TUBGCP3: variants seen among roughly 807,000 people sequenced by gnomAD.
TUBGCP3 encodes gamma-tubulin complex component 3.
A neutral mutation model predicts 123.1 loss-of-function variants in TUBGCP3; 50 were observed. The observed-to-expected ratio is 0.41, with a 90% CI of 0.32 to 0.51. TUBGCP3 has a LOEUF of 0.51. TUBGCP3 is among the 20% of genes least tolerant of loss of function. TUBGCP3 has a pLI of 0.36. For synonymous variants in TUBGCP3, 405 were observed against 413.9 expected (o/e 0.98, Z 0.26); for missense variants, 882 against 1,127.0 (o/e 0.78, Z 3.11).
At chr13:112,557,145 G>A (rs910798253) in intron 5 of TUBGCP3, among the ~76,000 whole-genome samples, 2 of 152,158 alleles carry the variant, frequency 1.3e-5, no homozygotes. Flanking sequence ...TTAAGAGGAT[G>A]ATTCTAAAAG....
At chr13:112,547,793 C>A in intron 9 of TUBGCP3, 41 bp from the exon 10 acceptor site, 1 of 1,396,492 alleles carries the variant, frequency 7.2e-7, no homozygotes, top group South Asian at 1.9e-5. Context: ...GTACAAATAA[C>A]CACATAGATC....
At chr13:112,495,439 T>A (rs1486774812) in intron 20 of TUBGCP3, among the ~76,000 whole-genome samples, 2 of 152,236 alleles carry the variant, frequency 1.3e-5, no homozygotes, top group African/African-American at 2.4e-5. Flanking sequence ...TGTCTTATTA[T>A]AAAATTATTC....
Position 112,545,626 on chromosome 13 carries a change from G to A in TUBGCP3, c.1335+73C>T. The stretch of plus-strand genomic sequence containing the variant: ...TAGGAGAACATGGTAATCATGAGGG[G>A]AAAAATGAAACAGCATAACTGCGTG... On this transcript the variant is annotated intron_variant, in intron 11 of 21. Coordinates refer to ENST00000261965, the MANE Select transcript of TUBGCP3 (RefSeq NM_006322.6). The surrounding 1 kb of genome is among the most constrained non-coding windows in gnomAD (Gnocchi z 4.1). 6.4e-7 allele frequency: 1 copy of A among 1,552,914 alleles called. No individual in the cohort carries two copies. The highest frequency in any genetic ancestry group is 1.7e-5 in the Admixed American group (1 of 59,028).
chr13:112,593,377 C>G, the TUBGCP3 span, among the ~76,000 whole-genome samples: 1 of 152,132 alleles, frequency 6.6e-6, no homozygotes, highest in Admixed American at 6.5e-5. Context: ...ACGATGACAC[C>G]ACTGCTCTCC....
chr13:112,551,713 C>T (rs1055099798), intron 8 of TUBGCP3, among the ~76,000 whole-genome samples: 1 of 152,222 alleles, frequency 6.6e-6, no homozygotes, highest in Admixed American at 6.5e-5. Flanking sequence ...AAAATGGGGA[C>T]AATTAATGCT....
intron 1 of TUBGCP3, chr13:112,587,218 G>A (rs1364699431): frequency 6.6e-6 from 1 of 152,042 alleles, no homozygotes; most frequent in Non-Finnish European, 1.5e-5. Context: ...ACTACAAAAT[G>A]GTTTTACCTA....
At chr13:112,536,063 T>C (rs538852804) in intron 11 of TUBGCP3, among the ~76,000 whole-genome samples, 81 of 152,380 alleles carry the variant, frequency 5.3e-4, no homozygotes, top group Middle Eastern at 3.4e-3. Context: ...TGAAAATCAA[T>C]AAAAATGAAG....
chr13:112,574,420 G>A (rs542426519), intron 1 of TUBGCP3, among the ~76,000 whole-genome samples: 2 of 152,076 alleles, frequency 1.3e-5, no homozygotes, highest in East Asian at 3.9e-4. Context: ...CTTCAAGTGG[G>A]CACTCTGAGC....
At chr13:112,493,972 G>A (rs538111872) in intron 20 of TUBGCP3, among the ~76,000 whole-genome samples, 77 of 151,276 alleles carry the variant, frequency 5.1e-4, no homozygotes, top group African/African-American at 1.8e-3. Context: ...TGGAAACATG[G>A]CCTGGTGTGC....
upstream of TUBGCP3, among the ~76,000 whole-genome samples, chr13:112,589,571 G>C (rs945135514): frequency 2.0e-5 from 3 of 152,210 alleles, no homozygotes; most frequent in African/African-American, 7.2e-5. Flanking sequence ...CCAATAGCAG[G>C]TATGCTTATA....
At chr13:112,578,136 A>C (rs990696056) in intron 1 of TUBGCP3, among the ~76,000 whole-genome samples, 2 of 152,150 alleles carry the variant, frequency 1.3e-5, no homozygotes. Flanking sequence ...GACGCACCAT[A>C]ATCTCAGCCC....
intron 17 of TUBGCP3, among the ~76,000 whole-genome samples, chr13:112,514,133 T>C (rs1323647483): frequency 6.6e-6 from 1 of 152,156 alleles, no homozygotes; most frequent in Non-Finnish European, 1.5e-5. Flanking sequence ...ATGTTTGTAA[T>C]AGTATGATGT....
chr13:112,554,575 C>T (rs1248083142), intron 7 of TUBGCP3, among the ~76,000 whole-genome samples: 1 of 152,100 alleles, frequency 6.6e-6, no homozygotes, highest in African/African-American at 2.4e-5. Flanking sequence ...GCATCAATGC[C>T]GAAGGTGCCA....
At position 112,511,241 on chromosome 13, in the gene TUBGCP3, C is replaced by T. The variant is rs1482928056; in HGVS notation, c.2086+5199G>A. Among the ~76,000 whole-genome samples the T allele has an allele frequency of 1.3e-5, 2 of 152,188 alleles. No individual in the cohort carries two copies. The highest frequency in any genetic ancestry group is 1.3e-4 in the Admixed American group (2 of 15,288). On this transcript the variant is annotated intron_variant, in intron 17 of 21. Transcript: ENST00000261965. This position sits in a 1 kb window ranked among gnomAD's most constrained non-coding sequence, Gnocchi z 4.1. Reference sequence around the variant, plus strand: ...TCTGAACCCACCGCTCAGATGGGCCCCTCACAGGGCACTGCTGGCCCGCGG... The same window carrying T: ...TCTGAACCCACCGCTCAGATGGGCCTCTCACAGGGCACTGCTGGCCCGCGG...
chr13:112,584,308 G>A (rs141373895), intron 1 of TUBGCP3: 1 of 152,136 alleles, frequency 6.6e-6, no homozygotes, highest in Non-Finnish European at 1.5e-5. Context: ...AGAAATTTAA[G>A]CCAAAACAAT....
At chr13:112,527,308 T>G in intron 12 of TUBGCP3, 66 bp downstream of exon 12, 1 of 1,234,060 alleles carries the variant, frequency 8.1e-7, no homozygotes, top group Non-Finnish European at 1.1e-6. Context: ...AAATTGGTTT[T>G]GTCACATAAT....
chr13:112,505,305 A>C (rs1469874889), intron 17 of TUBGCP3, among the ~76,000 whole-genome samples: 1 of 152,242 alleles, frequency 6.6e-6, no homozygotes, highest in African/African-American at 2.4e-5. Context: ...TTCAAAGACT[A>C]TGGCAGCATA....
At position 112,588,107 on chromosome 13, in the gene TUBGCP3, G is replaced by A; in HGVS notation, c.-127C>T. ...GCTCCTGACAGGCTAAGGCGCGGGC[G>A]CCGCCGGCCACCAGGGCGCCATTTT... On this transcript the variant is annotated 5_prime_UTR_variant, in exon 1 of 22. Transcript: ENST00000261965. 2 of 803,824 alleles carry A rather than the reference G, an allele frequency of 2.5e-6. No homozygotes were observed. Among genetic ancestry groups the A allele is most frequent in the Non-Finnish European group, 3.4e-6 (2 of 580,750 alleles). 49.8% of individuals were successfully genotyped at this position (803,824 alleles called of 1,614,324 possible).
rs1234984643 is a variant in TUBGCP3 at position 112,511,505 on chromosome 13, G to T, written c.2086+4935C>A. Reference sequence around the variant, plus strand: ...CGCAGCTGGGCCGGTACTAAAGGCTGTGCTGCCGGAGCACAGAGCCCAGCT... The same window carrying T: ...CGCAGCTGGGCCGGTACTAAAGGCTTTGCTGCCGGAGCACAGAGCCCAGCT... On this transcript the variant is annotated intron_variant, in intron 17 of 21. Coordinates refer to ENST00000261965, the MANE Select transcript of TUBGCP3 (RefSeq NM_006322.6). This position sits in a 1 kb window ranked among gnomAD's most constrained non-coding sequence, Gnocchi z 4.1. Among the ~76,000 whole-genome samples the T allele has an allele frequency of 6.6e-6, 1 of 152,128 alleles. No individual in the cohort carries two copies. The highest frequency in any genetic ancestry group is 2.4e-5 in the African/African-American group (1 of 41,420).
Sources: gnomAD v4.1 joint callset for allele counts (sites outside exome capture counted in the v4.1 genomes callset) on GRCh38, gnomAD v4.1.1 for gene constraint, Gnocchi (gnomAD v3.1) non-coding constraint, MANE v1.5 for transcripts, NCBI Gene and HGNC (gene_info 2026-07-23, HGNC 2026-07-21) for gene names.